Variants in USP10 observed in about 807,000 individuals in gnomAD.
USP10 encodes ubiquitin carboxyl-terminal hydrolase 10.
USP10 carries 22 observed loss-of-function variants against 84.5 expected under a neutral mutation model. That is an observed-to-expected ratio of 0.26 (90% CI 0.19 to 0.37). The LOEUF is 0.37. Among genes scored for constraint, USP10 ranks in the 10% least tolerant of loss-of-function variants. The pLI is 1.00. For missense variants in USP10, 1,019 were observed against 998.9 expected (o/e 1.02, Z -0.27); for synonymous variants, 454 against 387.6 (o/e 1.17, Z -2.01).
intron 10 of USP10, among the ~76,000 whole-genome samples, chr16:84,765,717 T>G (rs147820777): frequency 3.1e-4 from 47 of 152,294 alleles, no homozygotes; most frequent in African/African-American, 1.1e-3. Context: ...GTGAACTGAT[T>G]GGAAGCAGGT....
intron 10 of USP10, among the ~76,000 whole-genome samples, chr16:84,767,232 C>A (rs752810447): frequency 3.9e-5 from 6 of 151,988 alleles, no homozygotes; most frequent in African/African-American, 9.7e-5. Context: ...GTCACCGAGA[C>A]TGCAGAAATA....
At chr16:84,700,197 C>A in intron 1 of USP10, 86 bp downstream of exon 1, 1 of 1,063,912 alleles carries the variant, frequency 9.4e-7, no homozygotes, top group Non-Finnish European at 1.2e-6. Flanking sequence ...CGCGCCCTGC[C>A]CGGAGCGAGC....
At chr16:84,766,598 C>T (rs1432533029) in intron 10 of USP10, among the ~76,000 whole-genome samples, 4 of 152,104 alleles carry the variant, frequency 2.6e-5, no homozygotes, top group African/African-American at 7.2e-5. Context: ...GTGCAGAGGC[C>T]GGGTATCAGA....
intron 2 of USP10, among the ~76,000 whole-genome samples, chr16:84,734,014 A>G (rs897414763): frequency 2.6e-5 from 4 of 152,190 alleles, no homozygotes; most frequent in African/African-American, 9.7e-5. Flanking sequence ...ACTGCAATTT[A>G]CTTACATATT....
Position 84,745,136 on chromosome 16 carries a change from G to A in USP10, c.655G>A (p.Val219Ile), listed in dbSNP as rs1487046761. The A allele has an allele frequency of 1.9e-6, 3 of 1,613,566 alleles. No homozygotes were observed. The Admixed American group carries it at 5.0e-5, about 27-fold the overall frequency. Residue 219 changes from valine to isoleucine, a missense_variant, in exon 4 of 14, where the codon GTC becomes ATC. This residue lies in a region of USP10 where 787 missense variants were observed against 708.8 expected (regional missense o/e 1.11). Transcript: ENST00000219473. ...CAGCCCCCAGAACTCCACAGACTCT[G>A]TCAGTGACATTGTGCCTGACAGTCC... ...CNSPQNSTDS[V>I]SDIVPDSPFP...
At chr16:84,741,791 C>G (rs1322822629) in intron 3 of USP10, among the ~76,000 whole-genome samples, 1 of 152,198 alleles carries the variant, frequency 6.6e-6, no homozygotes, top group Non-Finnish European at 1.5e-5. Context: ...AGTTTCTCTT[C>G]CAGTGCCTGT....
chr16:84,731,277 C>A (rs1909195326), intron 1 of USP10, among the ~76,000 whole-genome samples: 2 of 151,564 alleles, frequency 1.3e-5, no homozygotes, highest in East Asian at 1.9e-4. Flanking sequence ...CCGCTCCCGG[C>A]CTCTACTTTT....
At chr16:84,743,251 G>A (rs1187816916) in intron 3 of USP10, among the ~76,000 whole-genome samples, 4 of 152,178 alleles carry the variant, frequency 2.6e-5, no homozygotes, top group Non-Finnish European at 4.4e-5. Flanking sequence ...AGGTGTAATC[G>A]TCATCAGTGT....
chr16:84,726,773 C>G (rs1375764686), intron 1 of USP10, among the ~76,000 whole-genome samples: 1 of 152,222 alleles, frequency 6.6e-6, no homozygotes, highest in Non-Finnish European at 1.5e-5. Flanking sequence ...CTTACTTCCC[C>G]TAAAAAGGGG....
chr16:84,752,815 G>A (rs754303436), intron 4 of USP10, among the ~76,000 whole-genome samples: 7 of 152,162 alleles, frequency 4.6e-5, no homozygotes, highest in Non-Finnish European at 8.8e-5. Context: ...GAGTCAGGAT[G>A]GAAGGCTTAG....
At chr16:84,714,413 G>GGC (rs996704849) in intron 1 of USP10, among the ~76,000 whole-genome samples, 6 of 152,138 alleles carry the variant, frequency 3.9e-5, no homozygotes, top group African/African-American at 1.4e-4. Context: ...CTAACTCCTA[G>GGC]GCTTAGGCCA....
In USP10 at chr16:84,772,583, G is replaced by A; in HGVS notation, c.2041G>A (p.Val681Ile). ...RRVTLEKLPP[V>I]LVLHLKRFVY... is the part of the protein sequence containing the mutation. ...AGTGACTCTGGAAAAACTCCCTCCTGTCCTCGTGCTGCACCTGAAACGATT... is the reference window on the plus strand; with the variant it reads ...AGTGACTCTGGAAAAACTCCCTCCTATCCTCGTGCTGCACCTGAAACGATT... The change falls in exon 12 of 14, where the codon GTC (valine) becomes ATC (isoleucine). Residue 681 changes from valine to isoleucine, a missense_variant. Transcript: ENST00000219473. The A allele has an allele frequency of 6.2e-7, 1 of 1,613,976 alleles. No individual in the cohort carries two copies. Among genetic ancestry groups the A allele is most frequent in the Middle Eastern group, 1.6e-4 (1 of 6,062 alleles).
intron 4 of USP10, among the ~76,000 whole-genome samples, chr16:84,755,952 G>T (rs1044207561): frequency 7.2e-5 from 11 of 152,098 alleles, no homozygotes; most frequent in African/African-American, 2.7e-4. Flanking sequence ...TCCTCCTCTA[G>T]TTGGATAGCA....
intron 1 of USP10, among the ~76,000 whole-genome samples, chr16:84,714,898 T>C (rs1906799951): frequency 6.6e-6 from 1 of 150,842 alleles, no homozygotes; most frequent in African/African-American, 2.4e-5. Flanking sequence ...GTTTGAAAAA[T>C]ATTTAAAAAG....
At chr16:84,700,196 C>A in intron 1 of USP10, 85 bp downstream of exon 1, 1 of 1,071,788 alleles carries the variant, frequency 9.3e-7, no homozygotes, top group Non-Finnish European at 1.2e-6. Flanking sequence ...CCGCGCCCTG[C>A]CCGGAGCGAG....
At chr16:84,757,278 T>G (rs1040469367) in intron 4 of USP10, among the ~76,000 whole-genome samples, 2 of 152,100 alleles carry the variant, frequency 1.3e-5, no homozygotes, top group African/African-American at 2.4e-5. Flanking sequence ...TTAAACAGAT[T>G]CCACAGAATC....
intron 1 of USP10, among the ~76,000 whole-genome samples, chr16:84,705,715 C>CTTTTTTTT (rs1034372044): frequency 4.3e-4 from 31 of 71,296 alleles, no homozygotes; most frequent in Non-Finnish European, 5.9e-4. Context: ...CCCTTGCTTG[C>CTTTTTTTT]TTTTTTTTTT....
At chr16:84,761,384 G>A (rs1913187108) in intron 8 of USP10, among the ~76,000 whole-genome samples, 1 of 152,214 alleles carries the variant, frequency 6.6e-6, no homozygotes, top group Non-Finnish European at 1.5e-5. Flanking sequence ...CCTGAGGTTG[G>A]GTGATTCACT....
Position 84,772,694 on chromosome 16 carries a change from T to C in USP10, c.2143+9T>C, listed in dbSNP as rs1437680218. 1.2e-6 allele frequency: 2 copies of C among 1,613,918 alleles called. No homozygotes were observed. The highest frequency in any genetic ancestry group is 1.7e-5 in the Admixed American group (1 of 60,012). On this transcript the variant is annotated intron_variant, in intron 12 of 13. Coordinates refer to ENST00000219473, the MANE Select transcript of USP10 (RefSeq NM_005153.3). Reference sequence around the variant, plus strand: ...CTTGGAAATTAGTAAAGGTAATGCATACATAAGGTCGGGAGTGTTCGTGGT... The same window carrying C: ...CTTGGAAATTAGTAAAGGTAATGCACACATAAGGTCGGGAGTGTTCGTGGT...
Sources: allele counts gnomAD v4.1 joint callset (sites outside exome capture counted in the v4.1 genomes callset), GRCh38; gene constraint gnomAD v4.1.1; regional missense constraint gnomAD v4.1.1; transcripts MANE v1.5; gene names NCBI Gene and HGNC (gene_info 2026-07-23, HGNC 2026-07-21).